The following BCHE variants were observed in gnomAD, a reference collection of about 807,000 sequenced individuals.
BCHE encodes butyrylcholinesterase.
BCHE carries 48 observed loss-of-function variants against 51.3 expected under a neutral mutation model. The observed-to-expected ratio is 0.94, with a 90% confidence interval of 0.74 to 1.19. BCHE has a LOEUF of 1.19. BCHE is among the 50% of genes most tolerant of loss of function. BCHE has a pLI of 0.00. For missense variants in BCHE, 847 were observed against 708.2 expected (o/e 1.20, Z -2.23); for synonymous variants, 251 against 238.0 (o/e 1.05, Z -0.50).
At position 165,830,037 on chromosome 3, in the gene BCHE, TG is replaced by T; in HGVS notation, c.996del (p.Asp332GlufsTer27). ...TTAAATTGTCCAAGTTCAAGTAATATGTCTGGCATGTCAGTGAGAAAATCAC... is the reference window on the plus strand; with the variant it reads ...TTAAATTGTCCAAGTTCAAGTAATATTCTGGCATGTCAGTGAGAAAATCAC... ...VDGDFLTDMP[D>X]ILLELGQFKK... On this transcript the variant is annotated frameshift_variant, in exon 2 of 4. Coordinates refer to ENST00000264381, the MANE Select transcript of BCHE (RefSeq NM_000055.4). LOFTEE classifies it high-confidence loss of function. 1 of 1,613,782 alleles carries T rather than the reference TG, an allele frequency of 6.2e-7. No individual in the cohort carries two copies. Among genetic ancestry groups the T allele is most frequent in the Non-Finnish European group, 8.5e-7 (1 of 1,179,886 alleles).
chr3:165,782,271 C>A (rs1712737291), intron 3 of BCHE, among the ~76,000 whole-genome samples: 1 of 151,908 alleles, frequency 6.6e-6, no homozygotes, highest in African/African-American at 2.4e-5. Context: ...CAAATGTCAC[C>A]AAGTCTTGTT....
intron 2 of BCHE, among the ~76,000 whole-genome samples, chr3:165,809,465 A>G (rs1324610873): frequency 6.6e-6 from 1 of 152,114 alleles, no homozygotes; most frequent in Non-Finnish European, 1.5e-5. Flanking sequence ...TGTTTTTATT[A>G]TGCACTAAAC....
chr3:165,792,404 G>T lies in BCHE; in HGVS notation c.1518-6093C>A, dbSNP rs1576843457. ...AAATCTTTGATTATAAAATACTTCT[G>T]ATTATATGCTAATAAAATAAAGTGC... On this transcript the variant is annotated intron_variant, in intron 2 of 3. Coordinates refer to ENST00000264381, the MANE Select transcript of BCHE (RefSeq NM_000055.4). 3.9e-5 allele frequency among the ~76,000 whole-genome samples: 6 copies of T among 152,202 alleles called. No individual in the cohort carries two copies. In the South Asian group the frequency reaches 1.2e-3, roughly 32 times the overall value.
Position 165,829,543 on chromosome 3 carries a change from T to A in BCHE, c.1491A>T (p.Lys497Asn), listed in dbSNP as rs759961675. Residue 497 changes from lysine (K) to asparagine (N), a missense_variant, in exon 2 of 4, where the codon AAA (lysine) becomes AAT (asparagine). Physicochemically the swap from Lys to Asn is moderately conservative, Grantham distance 94. Transcript: ENST00000264381. ...CATATTTTGCAAAATTTGCCCACCGTTTCACTATGGATCTACTCAAAATTT... is the reference window on the plus strand; with the variant it reads ...CATATTTTGCAAAATTTGCCCACCGATTCACTATGGATCTACTCAAAATTT... ...AEEILSRSIV[K>N]RWANFAKYGN... 3 of 1,613,576 alleles carry A rather than the reference T, an allele frequency of 1.9e-6. No homozygotes were observed. In the African/African-American group the frequency reaches 4.0e-5, roughly 22 times the overall value.
At chr3:165,796,072 C>T (rs1417686667) in intron 2 of BCHE, among the ~76,000 whole-genome samples, 1 of 151,960 alleles carries the variant, frequency 6.6e-6, no homozygotes, top group Non-Finnish European at 1.5e-5. Context: ...AAAAAGAAGA[C>T]TTATTTTCAT....
intron 2 of BCHE, among the ~76,000 whole-genome samples, chr3:165,790,762 A>G (rs1713134592): frequency 6.6e-6 from 1 of 152,142 alleles, no homozygotes; most frequent in African/African-American, 2.4e-5. Context: ...TTGTTTGGGG[A>G]AATAGTATTT....
intron 1 of BCHE, among the ~76,000 whole-genome samples, chr3:165,835,194 A>G (rs1715147778): frequency 1.9e-5 from 1 of 54,052 alleles, no homozygotes; most frequent in Admixed American, 2.4e-4. Context: ...AAGGTGACAA[A>G]TCTTTTTTTG....
Position 165,786,275 on chromosome 3 carries a change from C to A in BCHE, c.1554G>T (p.Trp518Cys). 1.2e-6 allele frequency: 2 copies of A among 1,611,746 alleles called. No homozygotes were observed. The highest frequency in any genetic ancestry group is 2.2e-5 in the South Asian group (2 of 91,014). Residue 518 changes from tryptophan to cysteine, a missense_variant, in exon 3 of 4, where the codon TGG (tryptophan) becomes TGT (cysteine). Transcript: ENST00000264381. ...TTTGTTCAGTGCTTTTGAAGACAGG[C>A]CAGCTTGTGCTATTGTTCTGAGTCT... ...PNETQNNSTS[W>C]PVFKSTEQKY...
chr3:165,817,765 C>A (rs1229483346), intron 2 of BCHE, among the ~76,000 whole-genome samples: 1 of 151,956 alleles, frequency 6.6e-6, no homozygotes, highest in Non-Finnish European at 1.5e-5. Flanking sequence ...TGATAACACA[C>A]AAATATATTT....
At chr3:165,792,460 C>T (rs994360249) in intron 2 of BCHE, among the ~76,000 whole-genome samples, 5 of 151,878 alleles carry the variant, frequency 3.3e-5, no homozygotes, top group Non-Finnish European at 5.9e-5. Flanking sequence ...GGCTGAATTG[C>T]GACATCATAA....
At position 165,829,719 on chromosome 3, in the gene BCHE, C is replaced by G. The variant is rs771781499; in HGVS notation, c.1315G>C (p.Glu439Gln). ...TAGAAAAAGGCATTATTTCCCCATT[C>G]TGAGAACTTCTTGGTGAACTCCAAG... The part of the protein sequence containing the change: ...PALEFTKKFS[E>Q]WGNNAFFYYF... The change falls in exon 2 of 4, where the codon GAA becomes CAA. Residue 439 changes from glutamate to glutamine, a missense_variant. Transcript: ENST00000264381. 1 of 1,613,900 alleles carries G rather than the reference C, an allele frequency of 6.2e-7. No individual in the cohort carries two copies. Among genetic ancestry groups the G allele is most frequent in the Non-Finnish European group, 8.5e-7 (1 of 1,179,908 alleles).
intron 2 of BCHE, among the ~76,000 whole-genome samples, chr3:165,815,123 T>C (rs1294953585): frequency 1.3e-5 from 2 of 151,202 alleles, no homozygotes; most frequent in Admixed American, 1.3e-4. Context: ...TTTAACTGAA[T>C]GTCCTGTATT....
chr3:165,777,507 T>C (rs1712516297), intron 3 of BCHE, among the ~76,000 whole-genome samples: 1 of 152,080 alleles, frequency 6.6e-6, no homozygotes, highest in Non-Finnish European at 1.5e-5. Flanking sequence ...ACATATCAAC[T>C]AAAAAGATTA....
At chr3:165,780,804 C>G (rs1212876085) in intron 3 of BCHE, among the ~76,000 whole-genome samples, 1 of 152,118 alleles carries the variant, frequency 6.6e-6, no homozygotes, top group Non-Finnish European at 1.5e-5. Context: ...TCCTTTTACG[C>G]TATTGGTGGG....
At chr3:165,827,544 T>C (rs185110879) in intron 2 of BCHE, among the ~76,000 whole-genome samples, 54 of 152,068 alleles carry the variant, frequency 3.6e-4, no homozygotes, top group Non-Finnish European at 5.6e-4. Flanking sequence ...ATTTAACACA[T>C]CTGATTCTTT....
intron 1 of BCHE, among the ~76,000 whole-genome samples, chr3:165,833,342 A>G (rs1054575743): frequency 3.9e-5 from 6 of 152,152 alleles, no homozygotes; most frequent in Admixed American, 6.6e-5. Context: ...TGCACACATT[A>G]TAAGTGTACT....
intron 2 of BCHE, among the ~76,000 whole-genome samples, chr3:165,823,010 T>C (rs923701294): frequency 1.9e-4 from 29 of 152,132 alleles, no homozygotes; most frequent in African/African-American, 5.3e-4. Flanking sequence ...ATAATGCACA[T>C]ATAGACCTGT....
chr3:165,813,606 C>A (rs912029975), intron 2 of BCHE, among the ~76,000 whole-genome samples: 9 of 151,802 alleles, frequency 5.9e-5, no homozygotes, highest in Admixed American at 2.0e-4. Flanking sequence ...ACTTCAAAAT[C>A]TTTTCTAGTC....
At chr3:165,811,626 T>C (rs1176128544) in intron 2 of BCHE, among the ~76,000 whole-genome samples, 1 of 152,044 alleles carries the variant, frequency 6.6e-6, no homozygotes, top group Non-Finnish European at 1.5e-5. Context: ...AATTCTGTTC[T>C]CAGTATTACA....
Sources: allele counts gnomAD v4.1 joint callset (sites outside exome capture counted in the v4.1 genomes callset), GRCh38; gene constraint gnomAD v4.1.1; transcripts MANE v1.5; gene names NCBI Gene and HGNC (gene_info 2026-07-23, HGNC 2026-07-21).